RBFOX1: variants seen among roughly 807,000 people sequenced by gnomAD.
The protein encoded by RBFOX1 is RNA binding fox-1 homolog 1, also known as RNA binding protein fox-1 homolog 1.
A neutral mutation model predicts 57.7 loss-of-function variants in RBFOX1; 8 were observed. That is an observed-to-expected ratio of 0.14 (90% CI 0.08 to 0.25). The LOEUF is 0.25. RBFOX1 is among the 10% of genes least tolerant of loss of function. RBFOX1 has a pLI of 1.00. For synonymous variants in RBFOX1, 326 were observed against 222.4 expected, an observed-to-expected ratio of 1.47 and a Z score of -4.15; for missense variants, 611 against 548.5, an observed-to-expected ratio of 1.11 and a Z score of -1.14.
At chr16:6,577,709 T>C (rs1389040744) in intron 2 of RBFOX1, among the ~76,000 whole-genome samples, 1 of 152,130 alleles carries the variant, frequency 6.6e-6, no homozygotes, top group Admixed American at 6.5e-5. Flanking sequence ...CTCACAGTGG[T>C]AGTCAAGTGC....
At chr16:6,887,113 C>G (rs1382938719) in intron 3 of RBFOX1, among the ~76,000 whole-genome samples, 7 of 152,194 alleles carry the variant, frequency 4.6e-5, no homozygotes, top group Non-Finnish European at 8.8e-5. Context: ...CCTCACCAAA[C>G]TCATGAAGTT....
chr16:6,930,063 C>T (rs1035136765), intron 3 of RBFOX1, among the ~76,000 whole-genome samples: 3 of 152,156 alleles, frequency 2.0e-5, no homozygotes, highest in Non-Finnish European at 4.4e-5. Context: ...CATAGCAAAC[C>T]AGCCCTGCTG....
Position 6,969,905 on chromosome 16 carries a change from T to C in RBFOX1, c.-15-82152T>C, listed in dbSNP as rs568314602. Among the ~76,000 whole-genome samples, 21 of 152,304 alleles carry C rather than the reference T, an allele frequency of 1.4e-4. 1 individual carries two copies. In the South Asian group the frequency reaches 4.1e-3, roughly 30 times the overall value. On this transcript the variant is annotated intron_variant, in intron 3 of 15. Coordinates refer to ENST00000550418, the MANE Select transcript of RBFOX1 (RefSeq NM_018723.4). ...TGCAATGTTGTGTCACTTGAGACTC[T>C]TTCAGTAGTCTGTCATAGATTTCCC...
intron 3 of RBFOX1, among the ~76,000 whole-genome samples, chr16:7,044,114 C>G (rs2047093291): frequency 6.6e-6 from 1 of 151,990 alleles, no homozygotes; most frequent in Non-Finnish European, 1.5e-5. Context: ...CTGTTGTATT[C>G]CTGGCACTTA....
At chr16:6,404,787 A>G (rs2152958584) in intron 2 of RBFOX1, among the ~76,000 whole-genome samples, 1 of 152,272 alleles carries the variant, frequency 6.6e-6, no homozygotes, top group Middle Eastern at 3.4e-3. Context: ...AGAAGAGCAG[A>G]TCTCATCAGA....
intron 3 of RBFOX1, among the ~76,000 whole-genome samples, chr16:5,708,822 G>T (rs1017293480): frequency 2.0e-5 from 3 of 152,148 alleles, no homozygotes; most frequent in African/African-American, 7.2e-5. Flanking sequence ...CTTGGGAGCT[G>T]CCATGGGCCA....
intron 3 of RBFOX1, among the ~76,000 whole-genome samples, chr16:5,705,661 A>G (rs902535276): frequency 6.6e-6 from 1 of 152,208 alleles, no homozygotes; most frequent in African/African-American, 2.4e-5. Flanking sequence ...CTGAGCAATG[A>G]GGAGAGAAAG....
chr16:5,277,505 C>T (rs563769468), intron 1 of RBFOX1, among the ~76,000 whole-genome samples: 1 of 152,090 alleles, frequency 6.6e-6, no homozygotes, highest in Non-Finnish European at 1.5e-5. Flanking sequence ...ATATTAAACA[C>T]TAGATCTTAT....
At chr16:5,941,943 A>T (rs2059287250) in intron 4 of RBFOX1, among the ~76,000 whole-genome samples, 1 of 151,642 alleles carries the variant, frequency 6.6e-6, no homozygotes, top group African/African-American at 2.4e-5. Context: ...ACTAGATAAC[A>T]ACGACCACCA....
intron 5 of RBFOX1, among the ~76,000 whole-genome samples, chr16:7,556,447 ATAT>A (rs2088512827): frequency 6.6e-6 from 1 of 152,204 alleles, no homozygotes; most frequent in African/African-American, 2.4e-5. Context: ...TGTATGGAAC[ATAT>A]TATTTCCCAT....
intron 3 of RBFOX1, among the ~76,000 whole-genome samples, chr16:5,612,663 A>G (rs2047867520): frequency 6.6e-6 from 1 of 152,202 alleles, no homozygotes; most frequent in Non-Finnish European, 1.5e-5. Flanking sequence ...AGAGCATTCT[A>G]GACAGAGGAA....
intron 2 of RBFOX1, among the ~76,000 whole-genome samples, chr16:6,445,404 A>G (rs1173493714): frequency 6.6e-6 from 1 of 151,978 alleles, no homozygotes; most frequent in Non-Finnish European, 1.5e-5. Flanking sequence ...AAGCTCAGAG[A>G]AAAACTCTCT....
intron 3 of RBFOX1, among the ~76,000 whole-genome samples, chr16:6,745,356 G>A (rs547764682): frequency 6.6e-5 from 10 of 151,724 alleles, no homozygotes; most frequent in East Asian, 1.9e-4. Context: ...AAAAACCCCC[G>A]AAACCACAGA....
chr16:7,155,925 A>G (rs942393072), intron 4 of RBFOX1, among the ~76,000 whole-genome samples: 1 of 151,750 alleles, frequency 6.6e-6, no homozygotes, highest in Admixed American at 6.6e-5. Flanking sequence ...TCTCATTCCT[A>G]TACCCCATTA....
At position 7,220,711 on chromosome 16, in the gene RBFOX1, C is replaced by G. The variant is rs191770057; in HGVS notation, c.27+168613C>G. Among the ~76,000 whole-genome samples the G allele has an allele frequency of 6.5e-4, 99 of 152,116 alleles. No individual in the cohort carries two copies. In the East Asian group the frequency reaches 0.016, roughly 25 times the overall value. On this transcript the variant is annotated intron_variant, in intron 4 of 15. Coordinates refer to ENST00000550418, the MANE Select transcript of RBFOX1 (RefSeq NM_018723.4). ...CTCTGATTGTGATCTGTGAACTTGC[C>G]ACAGGATCATCTTGGATCCTGGCTG... is the stretch of plus-strand genomic sequence containing the variant.
intron 1 of RBFOX1, among the ~76,000 whole-genome samples, chr16:6,191,181 C>A (rs1376132976): frequency 6.8e-6 from 1 of 147,026 alleles, no homozygotes; most frequent in African/African-American, 2.5e-5. Context: ...AAACTACAGT[C>A]GCCTCCATTG....
intron 6 of RBFOX1, among the ~76,000 whole-genome samples, chr16:7,586,892 C>A (rs148170887): frequency 1.3e-5 from 2 of 152,314 alleles, no homozygotes; most frequent in East Asian, 3.9e-4. Context: ...AAGGGTGTTT[C>A]TCCCAGTGTT....
chr16:7,624,688 G>A (rs1367898070), intron 10 of RBFOX1, among the ~76,000 whole-genome samples: 1 of 152,166 alleles, frequency 6.6e-6, no homozygotes. Context: ...TGCCCTGCAG[G>A]GTTCTAGGGT....
chr16:6,653,723 A>T (rs555339393), intron 2 of RBFOX1, among the ~76,000 whole-genome samples: 1 of 150,990 alleles, frequency 6.6e-6, no homozygotes, highest in East Asian at 2.0e-4. Context: ...AGATGAGTGG[A>T]TAGAGGATGG....
Sources: gnomAD v4.1 joint callset for allele counts (sites outside exome capture counted in the v4.1 genomes callset) on GRCh38, gnomAD v4.1.1 for gene constraint, MANE v1.5 for transcripts, NCBI Gene and HGNC (gene_info 2026-07-23, HGNC 2026-07-21) for gene names.